PSMB6: variants seen among roughly 807,000 people sequenced by gnomAD.
PSMB6 encodes the protein proteasome subunit beta type-6.
Under a neutral mutation model 28.2 loss-of-function variants are expected in PSMB6, and 11 were observed. The ratio of observed to expected loss-of-function variants is 0.39; its 90% confidence interval spans 0.25 to 0.65. The LOEUF is 0.65. Among genes scored for constraint, PSMB6 ranks in the 30% least tolerant of loss-of-function variants. The pLI, the probability that PSMB6 is intolerant of heterozygous loss-of-function variation, is 0.48. For missense variants in PSMB6, 268 were observed against 319.4 expected, an observed-to-expected ratio of 0.84 and a Z score of 1.23; for synonymous variants, 126 against 117.7, an observed-to-expected ratio of 1.07 and a Z score of -0.45.
Position 4,797,157 on chromosome 17 carries a change from A to T in PSMB6, c.171-281A>T. The T allele has an allele frequency of 8.9e-6, 4 of 449,372 alleles. No homozygotes were observed. In the South Asian group the frequency reaches 1.2e-4, roughly 14 times the overall value. 27.8% of individuals were successfully genotyped at this position (449,372 alleles called of 1,614,324 possible). ...GGCGAAACCCCGTCTCTACTAAAAA[A>T]TACAAAAATTAGCCGTGCGTGGCGG... On this transcript the variant is annotated intron_variant, in intron 2 of 5. Transcript: ENST00000270586.
In PSMB6 at chr17:4,798,385, T is replaced by C. The variant is rs775729803; in HGVS notation, c.683T>C (p.Ile228Thr). Residue 228 changes from isoleucine to threonine, a missense_variant, in exon 6 of 6, where the codon ATA (isoleucine) becomes ACA (threonine). Coordinates refer to ENST00000270586, the MANE Select transcript of PSMB6 (RefSeq NM_002798.3). ...VERQVLLGDQ[I>T]PKFAVATLPP... Reference sequence around the variant, plus strand: ...CGGCAAGTACTTTTGGGAGACCAGATACCCAAATTCGCCGTTGCCACTTTA... The same window carrying C: ...CGGCAAGTACTTTTGGGAGACCAGACACCCAAATTCGCCGTTGCCACTTTA... The C allele has an allele frequency of 1.2e-6, 2 of 1,614,210 alleles. No individual in the cohort carries two copies. Among genetic ancestry groups the C allele is most frequent in the South Asian group, 2.2e-5 (2 of 91,082 alleles).
chr17:4,797,715 A>G lies in PSMB6; in HGVS notation c.336A>G (p.Thr112=), dbSNP rs754679770. 9.3e-6 allele frequency: 15 copies of G among 1,614,046 alleles called. No individual in the cohort carries two copies. The South Asian group carries it at 1.6e-4, about 18-fold the overall frequency. The change falls in exon 4 of 6, where the codon ACA becomes ACG. Residue 112 remains threonine (T), a synonymous_variant. Coordinates refer to ENST00000270586, the MANE Select transcript of PSMB6 (RefSeq NM_002798.3). The part of the protein sequence containing the change: ...IELNEPPLVH[T]AASLFKEMCY... Reference sequence around the variant, plus strand: ...TGAATGAGCCTCCACTGGTCCACACAGCAGCCAGCCTCTTTAAGGAGATGT... The same window carrying G: ...TGAATGAGCCTCCACTGGTCCACACGGCAGCCAGCCTCTTTAAGGAGATGT...
Position 4,798,441 on chromosome 17 carries a change from G to C in PSMB6, c.*19G>C. 6.2e-7 allele frequency: 1 copy of C among 1,613,094 alleles called. No homozygotes were observed. The highest frequency in any genetic ancestry group is 8.5e-7 in the Non-Finnish European group (1 of 1,179,440). On this transcript the variant is annotated 3_prime_UTR_variant, in exon 6 of 6. Coordinates refer to ENST00000270586, the MANE Select transcript of PSMB6 (RefSeq NM_002798.3). ...CGCCTGAATCCTGGGATTCTAGTAT[G>C]CAATAAGAGATGCCCTGTACTGATG...
At position 4,796,785 on chromosome 17, in the gene PSMB6, A is replaced by G; in HGVS notation, c.160A>G (p.Thr54Ala). 1 of 1,601,968 alleles carries G rather than the reference A, an allele frequency of 6.2e-7. No homozygotes were observed. The highest frequency in any genetic ancestry group is 8.6e-7 in the Non-Finnish European group (1 of 1,169,008). ...CGTGGTTCTGGGGGCGGACTCCAGA[A>G]CAACCACTGGGTGAGCTCAGGACAG... ...GGVVLGADSR[T>A]TTGSYIANRV... Residue 54 changes from threonine (T) to alanine (A), a missense_variant, in exon 2 of 6, where the codon ACA (threonine) becomes GCA (alanine). Coordinates refer to ENST00000270586, the MANE Select transcript of PSMB6 (RefSeq NM_002798.3).
intron 2 of PSMB6, 108 bp downstream of exon 2, chr17:4,796,903 TTC>T: frequency 1.1e-6 from 1 of 934,252 alleles, no homozygotes; most frequent in Non-Finnish European, 1.7e-6. Context: ...GAGAGGTTTC[TTC>T]TCTCTCTGGA....
At position 4,797,752 on chromosome 17, in the gene PSMB6, C is replaced by A. The variant is rs1905383961; in HGVS notation, c.373C>A (p.Arg125=). Residue 125 remains arginine, a synonymous_variant, in exon 4 of 6, where the codon CGG becomes AGG. Coordinates refer to ENST00000270586, the MANE Select transcript of PSMB6 (RefSeq NM_002798.3). ...CTTTAAGGAGATGTGTTACCGATAC[C>A]GGGAAGACCTGATGGCGGGAATCAT... The part of the protein sequence containing the change: ...SLFKEMCYRY[R]EDLMAGIIIA... 7 of 1,614,112 alleles carry A rather than the reference C, an allele frequency of 4.3e-6. No homozygotes were observed. The highest frequency in any genetic ancestry group is 5.9e-6 in the Non-Finnish European group (7 of 1,180,016).
chr17:4,797,348 C>T, intron 2 of PSMB6, 90 bp from the exon 3 acceptor site: 2 of 1,462,376 alleles, frequency 1.4e-6, no homozygotes, highest in Non-Finnish European at 1.8e-6. Context: ...TACTGGACAT[C>T]CTATCCCTGA....
intron 4 of PSMB6, 71 bp from the exon 5 acceptor site, chr17:4,797,938 G>A (rs1350957057): frequency 1.2e-6 from 2 of 1,605,646 alleles, no homozygotes; most frequent in Admixed American, 1.7e-5. Flanking sequence ...ACCAATAGCA[G>A]AATGGACAGG....
In PSMB6 at chr17:4,796,311, G is replaced by A; in HGVS notation, c.102+15G>A. On this transcript the variant is annotated intron_variant, in intron 1 of 5. Transcript: ENST00000270586. The stretch of plus-strand genomic sequence containing the variant: ...TTTCCACTGGGGTGAGGAAGGAATC[G>A]GGGTTCATAGGACGTGCACAAGGCC... 1 of 1,548,596 alleles carries A rather than the reference G, an allele frequency of 6.5e-7. No individual in the cohort carries two copies.
intron 1 of PSMB6, 111 bp downstream of exon 1, chr17:4,796,407 G>A: frequency 1.1e-6 from 1 of 918,954 alleles, no homozygotes; most frequent in Non-Finnish European, 1.7e-6. Context: ...GGTGGAATGT[G>A]TTGTGCTCCA....
At chr17:4,796,876 A>G in intron 2 of PSMB6, 81 bp downstream of exon 2, 1 of 1,203,806 alleles carries the variant, frequency 8.3e-7, no homozygotes, top group Non-Finnish European at 1.2e-6. Context: ...GCCTGCCTCC[A>G]CAGACCACTG....
chr17:4,797,415 C>G, intron 2 of PSMB6, 23 bp from the exon 3 acceptor site: 1 of 1,534,424 alleles, frequency 6.5e-7, no homozygotes, highest in Non-Finnish European at 8.8e-7. Flanking sequence ...GGCTCCTTTC[C>G]TCACTATTCT....
At chr17:4,797,283 C>G (rs113059343) in intron 2 of PSMB6, 155 bp from the exon 3 acceptor site, 1 of 944,064 alleles carries the variant, frequency 1.1e-6, no homozygotes, top group Admixed American at 2.8e-5. Flanking sequence ...TCACTGTACT[C>G]CAGCCTGGGC....
At chr17:4,797,912 T>C (rs1905389719) in intron 4 of PSMB6, 97 bp from the exon 5 acceptor site, 4 of 1,602,832 alleles carry the variant, frequency 2.5e-6, no homozygotes, top group Non-Finnish European at 3.4e-6. Context: ...TTATTCTTAC[T>C]ATTAACGTGC....
chr17:4,796,911 C>T, intron 2 of PSMB6, 116 bp downstream of exon 2: 1 of 880,500 alleles, frequency 1.1e-6, no homozygotes, highest in East Asian at 2.4e-5. Context: ...TCTTCTCTCT[C>T]TGGAGATAAA....
chr17:4,796,689 C>T (rs1474681018), intron 1 of PSMB6, 39 bp from the exon 2 acceptor site: 12 of 1,508,288 alleles, frequency 8.0e-6, no homozygotes, highest in Non-Finnish European at 1.1e-5. Flanking sequence ...TTTGTGTCTG[C>T]TGGAGAATGT....
intron 1 of PSMB6, 60 bp from the exon 2 acceptor site, chr17:4,796,668 G>A: frequency 7.0e-7 from 1 of 1,437,156 alleles, no homozygotes; most frequent in Non-Finnish European, 9.8e-7. Flanking sequence ...TAGGTAGAGA[G>A]ATCATTGAGG....
In PSMB6 at chr17:4,797,528, G is replaced by A; in HGVS notation, c.261G>A (p.Gln87=). 1 of 1,604,970 alleles carries A rather than the reference G, an allele frequency of 6.2e-7. No homozygotes were observed. ...CCRSGSAADT[Q]AVADAVTYQL... Reference sequence around the variant, plus strand: ...GCTCAGGCTCAGCTGCTGATACCCAGGCAGTAGCTGATGCTGTCACCTACC... The same window carrying A: ...GCTCAGGCTCAGCTGCTGATACCCAAGCAGTAGCTGATGCTGTCACCTACC... Residue 87 remains glutamine (Q), a synonymous_variant, in exon 3 of 6, where the codon CAG becomes CAA. Transcript: ENST00000270586.
At chr17:4,797,396 AGAC>A in intron 2 of PSMB6, 39 bp from the exon 3 acceptor site, 1 of 1,522,556 alleles carries the variant, frequency 6.6e-7, no homozygotes, top group Non-Finnish European at 8.8e-7. Context: ...TGGAGGTGGA[AGAC>A]AGGTGGGCTC....
Sources: allele counts gnomAD v4.1 joint callset, GRCh38; gene constraint gnomAD v4.1.1; transcripts MANE v1.5; gene names NCBI Gene and HGNC (gene_info 2026-07-23, HGNC 2026-07-21).